SOX5: variants seen among roughly 807,000 people sequenced by gnomAD.
The protein encoded by SOX5 is transcription factor SOX-5.
SOX5 carries 9 observed loss-of-function variants against 92.0 expected under a neutral mutation model. The observed-to-expected ratio is 0.10, with a 90% CI of 0.06 to 0.17. SOX5 has a LOEUF of 0.17. Ranked by LOEUF, SOX5 falls within the 10% of genes least tolerant of loss-of-function variation. The probability of loss-of-function intolerance (pLI) is 1.00; values close to 1 mark genes in which losing one functional copy is unlikely to be tolerated. For missense variants in SOX5, 642 were observed against 944.5 expected (o/e 0.68, Z 4.20); for synonymous variants, 344 against 336.3 (o/e 1.02, Z -0.25).
chr12:24,451,035 G>C (rs1470575742), intron 1 of SOX5, among the ~76,000 whole-genome samples: 1 of 152,038 alleles, frequency 6.6e-6, no homozygotes, highest in Non-Finnish European at 1.5e-5. Context: ...AAATAATTGA[G>C]AATATGTGAT....
At chr12:23,950,911 G>A (rs1945519657), upstream of SOX5, 1 of 1,533,502 alleles carries the variant, frequency 6.5e-7, no homozygotes, top group Non-Finnish European at 8.7e-7. Context: ...GTGCACCGCA[G>A]CATCTGGTCA....
intron 4 of SOX5, among the ~76,000 whole-genome samples, chr12:24,022,610 A>G (rs1473576085): frequency 6.6e-6 from 1 of 152,086 alleles, no homozygotes; most frequent in Non-Finnish European, 1.5e-5. Context: ...AGTGCCAAGC[A>G]CAATGTTTTC....
chr12:23,609,959 T>G (rs1185012243), intron 8 of SOX5, among the ~76,000 whole-genome samples: 1 of 152,164 alleles, frequency 6.6e-6, no homozygotes, highest in Admixed American at 6.6e-5. Flanking sequence ...TTAACAGGCA[T>G]TCTTTCTGCT....
At chr12:24,280,015 A>C (rs1944967661) in intron 2 of SOX5, among the ~76,000 whole-genome samples, 1 of 152,134 alleles carries the variant, frequency 6.6e-6, no homozygotes, top group East Asian at 1.9e-4. Flanking sequence ...CCTACCCATT[A>C]AATCATTGTT....
chr12:23,674,442 A>G (rs932228908), intron 6 of SOX5, among the ~76,000 whole-genome samples: 2 of 142,938 alleles, frequency 1.4e-5, no homozygotes, highest in African/African-American at 5.2e-5. Context: ...GGTTCAAGCA[A>G]TTCTCCTTCC....
chr12:24,506,258 C>T (rs934656453), intron 1 of SOX5, among the ~76,000 whole-genome samples: 8 of 151,852 alleles, frequency 5.3e-5, no homozygotes, highest in Non-Finnish European at 8.8e-5. Context: ...TAGCAATGTC[C>T]CCTTTTAAAA....
In SOX5 at chr12:23,776,554, G is replaced by C. The variant is rs538293558; in HGVS notation, c.482-20830C>G. 2.7e-4 allele frequency among the ~76,000 whole-genome samples: 41 copies of C among 152,264 alleles called. No individual in the cohort carries two copies. The South Asian group carries it at 8.3e-3, about 31-fold the overall frequency. Reference sequence around the variant, plus strand: ...TGCCATTGACAAGGAAGGAGTATTTGAGGTTCCCTTAGAGCAGTGGTCCCC... The same window carrying C: ...TGCCATTGACAAGGAAGGAGTATTTCAGGTTCCCTTAGAGCAGTGGTCCCC... On this transcript the variant is annotated intron_variant, in intron 3 of 14. Transcript: ENST00000451604.
At chr12:24,365,265 A>C (rs1461281912) in intron 2 of SOX5, among the ~76,000 whole-genome samples, 1 of 152,250 alleles carries the variant, frequency 6.6e-6, no homozygotes, top group Non-Finnish European at 1.5e-5. Context: ...GCTCAAGAGG[A>C]AAAACTGTTA....
intron 6 of SOX5, among the ~76,000 whole-genome samples, chr12:23,717,304 G>C (rs1402931997): frequency 6.6e-6 from 1 of 152,088 alleles, no homozygotes; most frequent in African/African-American, 2.4e-5. Context: ...AAATATTCCA[G>C]TTGTGTTGGT....
chr12:23,859,084 G>A (rs937801429), intron 2 of SOX5, among the ~76,000 whole-genome samples: 1 of 152,136 alleles, frequency 6.6e-6, no homozygotes, highest in South Asian at 2.1e-4. Flanking sequence ...TAAAACATGT[G>A]TGTTTGAACA....
chr12:24,513,127 T>C (rs1250607045), intron 1 of SOX5, among the ~76,000 whole-genome samples: 3 of 152,230 alleles, frequency 2.0e-5, no homozygotes, highest in African/African-American at 7.2e-5. Context: ...GCTAAACAAC[T>C]GAGGCTACAG....
At chr12:23,610,530 A>T (rs1008995583) in intron 8 of SOX5, among the ~76,000 whole-genome samples, 3 of 152,196 alleles carry the variant, frequency 2.0e-5, no homozygotes, top group Non-Finnish European at 4.4e-5. Context: ...ACAAATGCAG[A>T]AAATGACTAT....
At chr12:24,479,785 C>A (rs2137779727) in intron 1 of SOX5, among the ~76,000 whole-genome samples, 1 of 152,186 alleles carries the variant, frequency 6.6e-6, no homozygotes, top group South Asian at 2.1e-4. Context: ...CCTGCCTCAG[C>A]CTCCCAAGTA....
chr12:24,029,868 G>T (rs1269851486), intron 4 of SOX5, among the ~76,000 whole-genome samples: 2 of 151,978 alleles, frequency 1.3e-5, no homozygotes, highest in Non-Finnish European at 2.9e-5. Flanking sequence ...TCTTTGGATA[G>T]TTATGTGTAA....
rs1272303348 is a variant in SOX5 at position 24,302,623 on chromosome 12, G to C, written c.-173-25311C>G. Among the ~76,000 whole-genome samples, 3 of 152,124 alleles carry C rather than the reference G, an allele frequency of 2.0e-5. No individual in the cohort carries two copies. The East Asian group carries it at 5.8e-4, about 29-fold the overall frequency. Reference sequence around the variant, plus strand: ...GGTATATTTAAGAGAATTCTCTGTGGGTAGTCAGAAACAAGGCAATGCTAA... The same window carrying C: ...GGTATATTTAAGAGAATTCTCTGTGCGTAGTCAGAAACAAGGCAATGCTAA... On this transcript the variant is annotated intron_variant, in intron 2 of 4. Transcript: ENST00000446891.
At chr12:24,118,018 C>CAAAA (rs964710930) in intron 4 of SOX5, among the ~76,000 whole-genome samples, 18 of 41,716 alleles carry the variant, frequency 4.3e-4, no homozygotes, top group Non-Finnish European at 7.0e-4. Flanking sequence ...GACTCTCATT[C>CAAAA]AAAAAAAAAA....
At chr12:23,584,242 G>A (rs943247275) in intron 9 of SOX5, among the ~76,000 whole-genome samples, 12 of 151,446 alleles carry the variant, frequency 7.9e-5, no homozygotes, top group Non-Finnish European at 1.8e-4. Flanking sequence ...CATTGACGGG[G>A]GGAAAAAACC....
intron 8 of SOX5, among the ~76,000 whole-genome samples, chr12:23,628,433 C>T (rs1041537701): frequency 2.0e-5 from 3 of 152,070 alleles, no homozygotes; most frequent in Non-Finnish European, 2.9e-5. Context: ...GTAACTTTCA[C>T]TAACACTATT....
chr12:24,378,661 C>T (rs1035003439), intron 1 of SOX5, among the ~76,000 whole-genome samples: 1 of 152,182 alleles, frequency 6.6e-6, no homozygotes, highest in Non-Finnish European at 1.5e-5. Context: ...TGCAACTTAG[C>T]AGATGAATGT....
Sources: gnomAD v4.1 joint callset for allele counts (sites outside exome capture counted in the v4.1 genomes callset) on GRCh38, gnomAD v4.1.1 for gene constraint, MANE v1.5 for transcripts, NCBI Gene and HGNC (gene_info 2026-07-23, HGNC 2026-07-21) for gene names.